BPGM: variants seen among roughly 807,000 people sequenced by gnomAD.
BPGM encodes the protein 2,3-bisphosphoglycerate mutase, erythrocyte.
In BPGM, 15 loss-of-function variants were observed where a neutral mutation model predicts 21.6. The ratio of observed to expected loss-of-function variants is 0.70; its 90% CI spans 0.47 to 1.07. The LOEUF (loss-of-function observed/expected upper bound fraction) is 1.07. Ranked by LOEUF, BPGM falls within the 50% of genes least tolerant of loss-of-function variation. The probability of loss-of-function intolerance (pLI) is 0.00; values close to 1 mark genes in which losing one functional copy is unlikely to be tolerated. For synonymous variants in BPGM, 113 were observed against 116.2 expected (o/e 0.97, Z 0.18); for missense variants, 273 against 319.0 (o/e 0.86, Z 1.10).
chr7:134,656,228 A>C (rs1795635644), intron 1 of BPGM, among the ~76,000 whole-genome samples: 1 of 152,216 alleles, frequency 6.6e-6, no homozygotes, highest in South Asian at 2.1e-4. Context: ...ATTTAAGCTG[A>C]GCTCTAAAGC....
rs530180045 is a variant in BPGM at position 134,666,025 on chromosome 7, G to A, written c.601+3917G>A. Reference sequence around the variant, plus strand: ...TCTGAGTAGCTAGGATTATAGGTGTGTACCACCACACCTGGCTAATTTTTG... The same window carrying A: ...TCTGAGTAGCTAGGATTATAGGTGTATACCACCACACCTGGCTAATTTTTG... On this transcript the variant is annotated intron_variant, in intron 2 of 2. Coordinates refer to ENST00000344924, the MANE Select transcript of BPGM (RefSeq NM_001724.5). Among the ~76,000 whole-genome samples the A allele has an allele frequency of 2.6e-5, 4 of 152,034 alleles. No homozygotes were observed. The South Asian group carries it at 6.2e-4, about 24-fold the overall frequency.
At chr7:134,674,521 C>T (rs772114576) in intron 2 of BPGM, among the ~76,000 whole-genome samples, 1 of 152,176 alleles carries the variant, frequency 6.6e-6, no homozygotes, top group Non-Finnish European at 1.5e-5. Flanking sequence ...TCCTTTGTGA[C>T]TGGCTTCTTT....
chr7:134,672,324 C>T (rs996586950), intron 2 of BPGM, among the ~76,000 whole-genome samples: 3 of 151,716 alleles, frequency 2.0e-5, no homozygotes, highest in Admixed American at 2.0e-4. Flanking sequence ...AATGGTGGAC[C>T]CTTAAAGACA....
chr7:134,648,016 T>C (rs979773018), intron 1 of BPGM, among the ~76,000 whole-genome samples: 5 of 152,116 alleles, frequency 3.3e-5, no homozygotes, highest in African/African-American at 1.2e-4. Flanking sequence ...CAGGGTGGTC[T>C]TGAACTCCTG....
intron 1 of BPGM, among the ~76,000 whole-genome samples, chr7:134,657,050 A>G (rs6979119): frequency 0.73 from 111,052 of 152,232 alleles, 42,065 homozygotes; most frequent in East Asian, 0.96. Context: ...ATGCAAGTCC[A>G]AAATCCAATA....
intron 1 of BPGM, among the ~76,000 whole-genome samples, chr7:134,654,772 A>C (rs532290908): frequency 1.3e-5 from 2 of 152,260 alleles, no homozygotes; most frequent in South Asian, 4.2e-4. Context: ...AGAAGTCATG[A>C]GAGAAGATGA....
At chr7:134,657,533 C>A (rs189882000) in intron 1 of BPGM, among the ~76,000 whole-genome samples, 7 of 152,204 alleles carry the variant, frequency 4.6e-5, no homozygotes, top group African/African-American at 1.2e-4. Flanking sequence ...CATTGAAGCT[C>A]CCCAACTCCC....
At chr7:134,660,041 C>T (rs530634012) in intron 1 of BPGM, among the ~76,000 whole-genome samples, 11 of 152,294 alleles carry the variant, frequency 7.2e-5, no homozygotes, top group African/African-American at 2.6e-4. Flanking sequence ...GACATATTCC[C>T]TTCATTAAGC....
At chr7:134,676,827 G>A (rs940293836) in intron 2 of BPGM, among the ~76,000 whole-genome samples, 2 of 152,206 alleles carry the variant, frequency 1.3e-5, no homozygotes, top group Non-Finnish European at 2.9e-5. Context: ...GAAAGGCTCA[G>A]TGGTCACCTG....
At chr7:134,670,806 T>C (rs1186264736) in intron 2 of BPGM, among the ~76,000 whole-genome samples, 1 of 152,108 alleles carries the variant, frequency 6.6e-6, no homozygotes, top group East Asian at 1.9e-4. Flanking sequence ...TGGAGTTGTT[T>C]CCCTTTTTTT....
chr7:134,675,282 G>A (rs941221677), intron 2 of BPGM, among the ~76,000 whole-genome samples: 9 of 151,586 alleles, frequency 5.9e-5, no homozygotes, highest in Non-Finnish European at 1.0e-4. Flanking sequence ...TTTTTTTCTT[G>A]TGTATGCTTT....
At chr7:134,651,214 T>C (rs1255303735) in intron 1 of BPGM, among the ~76,000 whole-genome samples, 1 of 152,182 alleles carries the variant, frequency 6.6e-6, no homozygotes, top group Non-Finnish European at 1.5e-5. Context: ...ATTTGTCTTA[T>C]TTTATATAAC....
At chr7:134,671,602 T>C (rs749214135) in intron 2 of BPGM, among the ~76,000 whole-genome samples, 52 of 152,298 alleles carry the variant, frequency 3.4e-4, no homozygotes, top group Non-Finnish European at 5.3e-4. Context: ...CCTGACCTCG[T>C]GATTGCCTGC....
At position 134,657,031 on chromosome 7, in the gene BPGM, G is replaced by A. The variant is rs183611446; in HGVS notation, c.-61-4416G>A. Reference sequence around the variant, plus strand: ...AATTGGCCAAAACAAAGGGGCTACAGCAGGCCCCATGCAAGTCCAAAATCC... The same window carrying A: ...AATTGGCCAAAACAAAGGGGCTACAACAGGCCCCATGCAAGTCCAAAATCC... On this transcript the variant is annotated intron_variant, in intron 1 of 2. Coordinates refer to ENST00000344924, the MANE Select transcript of BPGM (RefSeq NM_001724.5). 9.8e-5 allele frequency among the ~76,000 whole-genome samples: 15 copies of A among 152,304 alleles called. No individual in the cohort carries two copies. The East Asian group carries it at 2.7e-3, about 27-fold the overall frequency.
At chr7:134,652,225 G>A (rs17789120) in intron 1 of BPGM, among the ~76,000 whole-genome samples, 8,185 of 152,226 alleles carry the variant, frequency 0.054, 336 homozygotes, top group Non-Finnish European at 0.073. Context: ...GATGCTTAAA[G>A]GTTAAAAATG....
At position 134,662,058 on chromosome 7, in the gene BPGM, T is replaced by A; in HGVS notation, c.551T>A (p.Leu184Gln). The A allele has an allele frequency of 6.2e-7, 1 of 1,614,168 alleles. No individual in the cohort carries two copies. Residue 184 changes from leucine to glutamine, a missense_variant, in exon 2 of 3, where the codon CTG (leucine) becomes CAG (glutamine). Coordinates refer to ENST00000344924, the MANE Select transcript of BPGM (RefSeq NM_001724.5). ...GAAGTATTACGTGGCAAAACCATTCTGATATCTGCTCATGGAAATAGCAGT... is the reference window on the plus strand; with the variant it reads ...GAAGTATTACGTGGCAAAACCATTCAGATATCTGCTCATGGAAATAGCAGT... ...APEVLRGKTI[L>Q]ISAHGNSSRA... is the part of the protein sequence containing the mutation.
At chr7:134,669,668 C>T (rs993276937) in intron 2 of BPGM, among the ~76,000 whole-genome samples, 4 of 152,144 alleles carry the variant, frequency 2.6e-5, no homozygotes, top group African/African-American at 9.7e-5. Context: ...ATGACCTCTC[C>T]CCTGTCAAAT....
Position 134,661,637 on chromosome 7 carries a change from C to G in BPGM, c.130C>G (p.Gln44Glu). ...GGAGGAAGCTCGGAACTGTGGGAAG[C>G]AACTCAAAGCGTTAAACTTTGAGTT... ...GMEEARNCGK[Q>E]LKALNFEFDL... The change falls in exon 2 of 3, where the codon CAA becomes GAA. Residue 44 changes from glutamine (Q) to glutamate (E), a missense_variant. Physicochemically the swap from Gln to Glu is conservative, Grantham distance 29. Coordinates refer to ENST00000344924, the MANE Select transcript of BPGM (RefSeq NM_001724.5). This position sits in a 1 kb window ranked among gnomAD's most constrained non-coding sequence, Gnocchi z 4.6. 3 of 1,614,122 alleles carry G rather than the reference C, an allele frequency of 1.9e-6. No individual in the cohort carries two copies. The highest frequency in any genetic ancestry group is 1.1e-5 in the South Asian group (1 of 91,082).
rs541822114 is a variant in BPGM, at chr7:134,646,886, C to T, written c.-113C>T. Reference sequence around the variant, plus strand: ...CTAGGAGGCGCTGGCTCTTTGGCGGCTCGGAGGAGCGGCTGCTGCTGCTGC... The same window carrying T: ...CTAGGAGGCGCTGGCTCTTTGGCGGTTCGGAGGAGCGGCTGCTGCTGCTGC... On this transcript the variant is annotated 5_prime_UTR_variant, in exon 1 of 3. Coordinates refer to ENST00000344924, the MANE Select transcript of BPGM (RefSeq NM_001724.5). The T allele has an allele frequency of 1.9e-4, 35 of 187,560 alleles. No homozygotes were observed. Among genetic ancestry groups the T allele is most frequent in the African/African-American group, 6.7e-4 (28 of 41,666 alleles). 11.6% of individuals were successfully genotyped at this position (187,560 alleles called of 1,614,324 possible). A position where few individuals can be genotyped will look rare whatever the true frequency, so the allele number is the denominator to read the frequency against.
Sources: gnomAD v4.1 joint callset for allele counts (sites outside exome capture counted in the v4.1 genomes callset) on GRCh38, gnomAD v4.1.1 for gene constraint, Gnocchi (gnomAD v3.1) non-coding constraint, MANE v1.5 for transcripts, NCBI Gene and HGNC (gene_info 2026-07-23, HGNC 2026-07-21) for gene names.